Variants in SH3D19 observed in about 807,000 individuals in gnomAD.
The protein encoded by SH3D19 is SH3 domain-containing protein 19.
A neutral mutation model predicts 112.1 loss-of-function variants in SH3D19; 58 were observed. The observed-to-expected ratio is 0.52, with a 90% CI of 0.42 to 0.64. The LOEUF (loss-of-function observed/expected upper bound fraction) is 0.64. SH3D19 is among the 30% of genes least tolerant of loss of function. SH3D19 has a pLI of 0.00. For synonymous variants in SH3D19, 391 were observed against 448.5 expected, an observed-to-expected ratio of 0.87 and a Z score of 1.62; for missense variants, 1,090 against 1,263.4, an observed-to-expected ratio of 0.86 and a Z score of 2.08.
chr4:151,211,727 T>A (rs893174943), intron 2 of SH3D19, among the ~76,000 whole-genome samples: 1 of 152,324 alleles, frequency 6.6e-6, no homozygotes, highest in Admixed American at 6.5e-5. Flanking sequence ...CATTCCCTTA[T>A]GCCAAAACCT....
At chr4:151,173,731 C>A (rs989399063) in intron 7 of SH3D19, among the ~76,000 whole-genome samples, 5 of 152,196 alleles carry the variant, frequency 3.3e-5, no homozygotes, top group African/African-American at 1.2e-4. Context: ...TTTAAACACA[C>A]CTGTGCTATG....
intron 1 of SH3D19, among the ~76,000 whole-genome samples, chr4:151,294,007 A>G (rs959911883): frequency 2.0e-5 from 3 of 152,230 alleles, no homozygotes; most frequent in African/African-American, 7.2e-5. Flanking sequence ...TCTCCTAACC[A>G]GGACAGGTCC....
intron 2 of SH3D19, among the ~76,000 whole-genome samples, chr4:151,188,629 C>T (rs900799758): frequency 7.2e-5 from 11 of 152,126 alleles, no homozygotes; most frequent in Non-Finnish European, 1.2e-4. Flanking sequence ...GGTAACAGCC[C>T]TCTTAGTGAA....
chr4:151,269,185 T>C (rs986519386), intron 1 of SH3D19, among the ~76,000 whole-genome samples: 18 of 152,382 alleles, frequency 1.2e-4, no homozygotes, highest in African/African-American at 4.1e-4. Flanking sequence ...ATTTCTCTGA[T>C]GGCCAGTGAT....
intron 17 of SH3D19, 65 bp from the exon 18 acceptor site, chr4:151,128,421 C>A: frequency 7.1e-7 from 1 of 1,400,910 alleles, no homozygotes; most frequent in South Asian, 1.6e-5. Context: ...TTCTACAAAG[C>A]TTAAAAAGTA....
intron 6 of SH3D19, 114 bp downstream of exon 6, chr4:151,176,420 C>G: frequency 2.7e-6 from 2 of 752,672 alleles, no homozygotes; most frequent in Non-Finnish European, 3.6e-6. Flanking sequence ...ACTGACTGGG[C>G]AGCAGAGCTC....
At chr4:151,277,147 C>A in intron 1 of SH3D19, 1 of 1,393,884 alleles carries the variant, frequency 7.2e-7, no homozygotes. Flanking sequence ...AAGCAGGAAG[C>A]GCTCACTGGC....
intron 12 of SH3D19, among the ~76,000 whole-genome samples, chr4:151,142,300 T>C (rs1579741898): frequency 1.3e-5 from 2 of 152,308 alleles, no homozygotes; most frequent in East Asian, 3.9e-4. Context: ...ATTCATAGAA[T>C]TATCCAACCA....
chr4:151,150,184 C>CAAAAAAAAAAAA, intron 9 of SH3D19, among the ~76,000 whole-genome samples: 1 of 7,200 alleles, frequency 1.4e-4, no homozygotes, highest in Admixed American at 4.0e-3. Context: ...GACTCCATCT[C>CAAAAAAAAAAAA]AAAAAAAAAA....
chr4:151,247,808 TA>T (rs1327123525), intron 1 of SH3D19, among the ~76,000 whole-genome samples: 1 of 152,230 alleles, frequency 6.6e-6, no homozygotes, highest in Non-Finnish European at 1.5e-5. Flanking sequence ...CTATACTATA[TA>T]AAAAATATTT....
chr4:151,131,078 C>T (rs949482222), intron 17 of SH3D19, among the ~76,000 whole-genome samples: 8 of 151,882 alleles, frequency 5.3e-5, no homozygotes, highest in African/African-American at 1.9e-4. Context: ...AATTTTATAT[C>T]CCCTTTCCCT....
At chr4:151,195,214 C>T (rs1018127976) in intron 2 of SH3D19, among the ~76,000 whole-genome samples, 8 of 149,916 alleles carry the variant, frequency 5.3e-5, no homozygotes, top group Admixed American at 2.7e-4. Context: ...ATTAAAAATA[C>T]GAAAAAAATT....
chr4:151,150,344 C>T (rs971401774), intron 9 of SH3D19, among the ~76,000 whole-genome samples: 13 of 142,348 alleles, frequency 9.1e-5, no homozygotes, highest in African/African-American at 1.8e-4. Context: ...TATACACACA[C>T]ATATATATAT....
intron 1 of SH3D19, among the ~76,000 whole-genome samples, chr4:151,305,036 T>C (rs142674933): frequency 9.8e-4 from 149 of 152,192 alleles, no homozygotes; most frequent in African/African-American, 3.5e-3. Context: ...AAACTGAAAA[T>C]TCAGTGTCAT....
chr4:151,191,669 G>A (rs1762650738), intron 2 of SH3D19, among the ~76,000 whole-genome samples: 1 of 151,928 alleles, frequency 6.6e-6, no homozygotes, highest in Admixed American at 6.6e-5. Context: ...CTTTTGAGAT[G>A]GAGTCTTGCT....
At chr4:151,134,893 G>A (rs1318559082) in intron 15 of SH3D19, among the ~76,000 whole-genome samples, 181 bp downstream of exon 15, 1 of 152,008 alleles carries the variant, frequency 6.6e-6, no homozygotes, top group Non-Finnish European at 1.5e-5. Context: ...TTGCTATGTG[G>A]CCCAGGTTAG....
intron 6 of SH3D19, 21 bp from the exon 7 acceptor site, chr4:151,175,695 C>T: frequency 8.1e-7 from 1 of 1,238,428 alleles, no homozygotes; most frequent in Non-Finnish European, 1.0e-6. Flanking sequence ...CAAAACAAAA[C>T]CAAAACAAAT....
chr4:151,207,417 G>T (rs759302049), intron 2 of SH3D19, among the ~76,000 whole-genome samples: 14 of 152,152 alleles, frequency 9.2e-5, no homozygotes, highest in Non-Finnish European at 2.1e-4. Flanking sequence ...GAGTTAGAGG[G>T]CAAAGAAGAC....
chr4:151,234,184 G>A (rs1453974483), intron 1 of SH3D19, among the ~76,000 whole-genome samples: 4 of 152,186 alleles, frequency 2.6e-5, no homozygotes, highest in Non-Finnish European at 5.9e-5. Context: ...AAAAACTACA[G>A]CACATTTGAA....
Sources: allele counts gnomAD v4.1 joint callset (sites outside exome capture counted in the v4.1 genomes callset), GRCh38; gene constraint gnomAD v4.1.1; transcripts MANE v1.5; gene names NCBI Gene and HGNC (gene_info 2026-07-23, HGNC 2026-07-21).